Variants in LOX observed in about 807,000 individuals in gnomAD.
LOX encodes protein-lysine 6-oxidase.
A neutral mutation model predicts 50.5 loss-of-function variants in LOX; 12 were observed. The observed-to-expected ratio is 0.24, with a 90% CI of 0.15 to 0.38. LOX has a LOEUF of 0.38. Among genes scored for constraint, LOX ranks in the 10% least tolerant of loss-of-function variants. LOX has a pLI of 1.00. For missense variants in LOX, 504 were observed against 563.8 expected, an observed-to-expected ratio of 0.89 and a Z score of 1.07; for synonymous variants, 254 against 230.6, an observed-to-expected ratio of 1.10 and a Z score of -0.92.
At chr5:122,073,708 A>G (rs996911131) in intron 4 of LOX, among the ~76,000 whole-genome samples, 22 of 152,196 alleles carry the variant, frequency 1.4e-4, no homozygotes, top group African/African-American at 5.3e-4. Flanking sequence ...AATAGGGGCC[A>G]CATGCATAAC....
chr5:122,073,551 G>T (rs1047898922), intron 4 of LOX, among the ~76,000 whole-genome samples: 6 of 152,172 alleles, frequency 3.9e-5, no homozygotes, highest in African/African-American at 1.4e-4. Flanking sequence ...AAAAAACAGA[G>T]ATATCTTTTT....
chr5:122,066,491 AC>A lies in LOX; in HGVS notation c.*251del, dbSNP rs1387324639. On this transcript the variant is annotated 3_prime_UTR_variant, in exon 7 of 7. Transcript: ENST00000231004. ...CTTTGAAAGAGTCAAATATGTAATT[AC>A]AGAATTGAAACACTGTGTTAATTCA... 3 of 397,698 alleles carry A rather than the reference AC, an allele frequency of 7.5e-6. No individual in the cohort carries two copies. The highest frequency in any genetic ancestry group is 4.0e-5 in the Admixed American group (1 of 24,796). The allele number at this position is 397,698 out of a possible 1,614,324, so 24.6% of individuals were successfully genotyped here. A position where few individuals can be genotyped will look rare whatever the true frequency, so the allele number is the denominator to read the frequency against.
In LOX at chr5:122,077,768, C is replaced by G; in HGVS notation, c.218G>C (p.Gly73Ala). ...QYQPQRRRDPGAAVPGAANAS... is the reference protein window; with the variant it reads ...QYQPQRRRDPAAAVPGAANAS... ...GTTGGCTGCACCAGGGACGGCGGCG[C>G]CCGGGTCCCGGCGGCGCTGAGGCTG... The change falls in exon 1 of 7, where the codon GGC becomes GCC. Residue 73 changes from glycine (G) to alanine (A), a missense_variant. Transcript: ENST00000231004. This position sits in a 1 kb window ranked among gnomAD's most constrained non-coding sequence, Gnocchi z 4.9. The G allele has an allele frequency of 3.9e-6, 6 of 1,550,024 alleles. No homozygotes were observed. Among genetic ancestry groups the G allele is most frequent in the Non-Finnish European group, 5.2e-6 (6 of 1,152,300 alleles).
Position 122,069,701 on chromosome 5 carries a change from C to A in LOX, c.1247+352G>T, listed in dbSNP as rs191150407. Among the ~76,000 whole-genome samples the A allele has an allele frequency of 5.1e-3, 776 of 152,148 alleles. 10 individuals are homozygous for A. Among genetic ancestry groups the A allele is most frequent in the African/African-American group, 0.018 (730 of 41,508 alleles). On this transcript the variant is annotated intron_variant, in intron 6 of 6. Coordinates refer to ENST00000231004, the MANE Select transcript of LOX (RefSeq NM_002317.7). ...ACCCTAGCAATTCTTTCAGGGACTGCGAGGAAGGGGCCAAGAAGCAACTAC... is the reference window on the plus strand; with the variant it reads ...ACCCTAGCAATTCTTTCAGGGACTGAGAGGAAGGGGCCAAGAAGCAACTAC...
rs1754665798 is a variant in LOX, at chr5:122,077,270, C to T, written c.631+85G>A. ...GATCGGATCTGCGAGGACCGGGGCC[C>T]GCCGCGCCCAGGCAGCCACGTCGAG... On this transcript the variant is annotated intron_variant, in intron 1 of 6. Coordinates refer to ENST00000231004, the MANE Select transcript of LOX (RefSeq NM_002317.7). This position sits in a 1 kb window ranked among gnomAD's most constrained non-coding sequence, Gnocchi z 4.9. The T allele has an allele frequency of 5.1e-6, 8 of 1,576,544 alleles. No homozygotes were observed. Among genetic ancestry groups the T allele is most frequent in the Non-Finnish European group, 6.9e-6 (8 of 1,162,708 alleles).
Position 122,064,129 on chromosome 5 carries a change from A to G in LOX, c.*2614T>C, listed in dbSNP as rs1298930292. 1 of 151,888 alleles carries G rather than the reference A, an allele frequency of 6.6e-6. No homozygotes were observed. The highest frequency in any genetic ancestry group is 1.5e-5 in the Non-Finnish European group (1 of 67,876). 9.4% of individuals were successfully genotyped at this position (151,888 alleles called of 1,614,324 possible). A position where few individuals can be genotyped will look rare whatever the true frequency, so the allele number is the denominator to read the frequency against. On this transcript the variant is annotated 3_prime_UTR_variant, in exon 7 of 7. Transcript: ENST00000231004. ...ATTTAGTCCATTTTCTGTCTTTTTT[A>G]GTGTAAAAGCCAATCTCCTGTCAGT...
rs1342143728 is a variant in LOX, at chr5:122,076,956, G to A, written c.677C>T (p.Thr226Met). The part of the protein sequence containing the change: ...VADPYYIQAS[T>M]YVQKMSMYNL... ...GTACATGGACATCTTCTGCACGTAC[G>A]TGGACGCCTGGATGTAGTAGGGGTC... is the stretch of plus-strand genomic sequence containing the variant. Residue 226 changes from threonine to methionine, a missense_variant, in exon 2 of 7, where the codon ACG (threonine) becomes ATG (methionine). Physicochemically the swap from Thr to Met is moderately conservative, Grantham distance 81. Transcript: ENST00000231004. The A allele has an allele frequency of 6.2e-7, 1 of 1,613,890 alleles. No homozygotes were observed.
At chr5:122,073,953 C>T (rs922178755) in intron 4 of LOX, 60 bp downstream of exon 4, 92 of 1,485,362 alleles carry the variant, frequency 6.2e-5, no homozygotes, top group Non-Finnish European at 7.8e-5. Flanking sequence ...TGCTAACTAA[C>T]GGTAGATGAC....
chr5:122,069,082 C>T (rs947226837), intron 6 of LOX, among the ~76,000 whole-genome samples: 1 of 152,060 alleles, frequency 6.6e-6, no homozygotes, highest in Non-Finnish European at 1.5e-5. Context: ...CAGGCTTCAT[C>T]TATCTCTAAT....
intron 4 of LOX, 78 bp from the exon 5 acceptor site, chr5:122,070,667 A>G: frequency 1.4e-6 from 1 of 727,832 alleles, no homozygotes; most frequent in Non-Finnish European, 2.3e-6. Context: ...TTATTTGCAA[A>G]TTAAATTTTA....
chr5:122,071,180 C>T (rs1323174840), intron 4 of LOX, among the ~76,000 whole-genome samples: 1 of 143,106 alleles, frequency 7.0e-6, no homozygotes, highest in Non-Finnish European at 1.5e-5. Flanking sequence ...CAGGAACAAT[C>T]GTAAACATTT....
chr5:122,065,626 T>C lies in LOX; in HGVS notation c.*1117A>G, dbSNP rs909809843. On this transcript the variant is annotated 3_prime_UTR_variant, in exon 7 of 7. Coordinates refer to ENST00000231004, the MANE Select transcript of LOX (RefSeq NM_002317.7). ...TATATCTCAGACACACACACATGTG[T>C]GACTGATTCCTGAATAACCCAGGAT... The C allele has an allele frequency of 6.6e-6, 1 of 152,090 alleles. No homozygotes were observed. Among genetic ancestry groups the C allele is most frequent in the Non-Finnish European group, 1.5e-5 (1 of 68,004 alleles). 9.4% of individuals were successfully genotyped at this position (152,090 alleles called of 1,614,324 possible). A position where few individuals can be genotyped will look rare whatever the true frequency, so the allele number is the denominator to read the frequency against.
intron 3 of LOX, 116 bp from the exon 4 acceptor site, chr5:122,074,285 C>A: frequency 3.8e-6 from 3 of 785,922 alleles, no homozygotes; most frequent in Non-Finnish European, 6.1e-6. Flanking sequence ...AAATTGAGAC[C>A]AAATTTATCT....
At chr5:122,069,148 G>T (rs1179516252) in intron 6 of LOX, among the ~76,000 whole-genome samples, 8 of 152,082 alleles carry the variant, frequency 5.3e-5, no homozygotes, top group African/African-American at 1.9e-4. Context: ...AAAGTCCTGG[G>T]TTTTTGTATC....
intron 2 of LOX, chr5:122,076,111 C>G (rs938732959): frequency 6.6e-6 from 1 of 152,154 alleles, no homozygotes. Context: ...GTGAGTGATG[C>G]AAGACTCAGG....
At chr5:122,071,591 A>G (rs535731241) in intron 4 of LOX, among the ~76,000 whole-genome samples, 2 of 152,350 alleles carry the variant, frequency 1.3e-5, no homozygotes, top group East Asian at 3.8e-4. Flanking sequence ...GTTATAGTCT[A>G]GAGAAGTTTC....
At position 122,077,130 on chromosome 5, in the gene LOX, G is replaced by A. The variant is rs940307966; in HGVS notation, c.632-129C>T. ...GGACTGCAGAGTGGAGCGGAGGACA[G>A]CAAGAGAACTGGGGACGCCCGGGAC... is the stretch of plus-strand genomic sequence containing the variant. On this transcript the variant is annotated intron_variant, in intron 1 of 6. Transcript: ENST00000231004. The surrounding 1 kb of genome is among the most constrained non-coding windows in gnomAD (Gnocchi z 4.9). 14 of 1,481,804 alleles carry A rather than the reference G, an allele frequency of 9.4e-6. No homozygotes were observed. Among genetic ancestry groups the A allele is most frequent in the Non-Finnish European group, 1.2e-5 (13 of 1,121,698 alleles). 91.8% of individuals were successfully genotyped at this position (1,481,804 alleles called of 1,614,324 possible).
chr5:122,070,009 A>T, intron 6 of LOX, 44 bp downstream of exon 6: 1 of 1,393,606 alleles, frequency 7.2e-7, no homozygotes, highest in Non-Finnish European at 1.0e-6. Context: ...ATGAACAAAA[A>T]TTATTTGTGA....
rs1405838252 is a variant in LOX at position 122,063,456 on chromosome 5, T to A, written c.*3287A>T. 6.6e-6 allele frequency: 1 copy of A among 151,938 alleles called. No homozygotes were observed. The highest frequency in any genetic ancestry group is 1.9e-4 in the East Asian group (1 of 5,184). 9.4% of individuals were successfully genotyped at this position (151,938 alleles called of 1,614,324 possible). A position where few individuals can be genotyped will look rare whatever the true frequency, so the allele number is the denominator to read the frequency against. ...AAGCAGTTTTATATTAATTAAATGT[T>A]TATATACCACAAGCTAAGATTTAAT... On this transcript the variant is annotated 3_prime_UTR_variant, in exon 7 of 7. Coordinates refer to ENST00000231004, the MANE Select transcript of LOX (RefSeq NM_002317.7).
Sources: gnomAD v4.1 joint callset for allele counts (sites outside exome capture counted in the v4.1 genomes callset) on GRCh38, gnomAD v4.1.1 for gene constraint, Gnocchi (gnomAD v3.1) non-coding constraint, MANE v1.5 for transcripts, NCBI Gene and HGNC (gene_info 2026-07-23, HGNC 2026-07-21) for gene names.